NUMA1: variants seen among roughly 807,000 people sequenced by gnomAD.
NUMA1 encodes SP-H antigen.
NUMA1 carries 62 observed loss-of-function variants against 237.1 expected under a neutral mutation model. The ratio of observed to expected loss-of-function variants is 0.26; its 90% CI spans 0.21 to 0.32. The LOEUF is 0.32. NUMA1 is among the 10% of genes least tolerant of loss of function. The pLI, the probability that NUMA1 is intolerant of heterozygous loss-of-function variation, is 1.00. For missense variants in NUMA1, 2,533 were observed against 2,666.5 expected (o/e 0.95, Z 1.10); for synonymous variants, 1,028 against 1,066.1 (o/e 0.96, Z 0.70).
rs929044338 is a variant in NUMA1 at position 72,013,339 on chromosome 11, G to C, written c.4164C>G (p.Ser1388Arg). The C allele has an allele frequency of 2.7e-5, 44 of 1,607,406 alleles. No homozygotes were observed. Among genetic ancestry groups the C allele is most frequent in the Non-Finnish European group, 3.6e-5 (42 of 1,179,858 alleles). Reference protein sequence around the residue: ...EKRHREELEQSKQAAGGLRAE... With the variant: ...EKRHREELEQRKQAAGGLRAE... ...CCCGCAGTCCCCCAGCGGCCTGCTT[G>C]CTCTGCTCCAGCTCCTCACGGTGGC... The change falls in exon 15 of 27, where the codon AGC (serine) becomes AGG (arginine). Residue 1388 changes from serine to arginine, a missense_variant. Transcript: ENST00000393695. This position sits in a 1 kb window ranked among gnomAD's most constrained non-coding sequence, Gnocchi z 6.8.
chr11:72,049,648 A>G (rs1942231259), intron 2 of NUMA1: 2 of 138,386 alleles, frequency 1.4e-5, no homozygotes, highest in Admixed American at 1.5e-4. Flanking sequence ...AGATAAATAA[A>G]TAGATATATA....
intron 26 of NUMA1, 61 bp downstream of exon 26, chr11:72,003,826 G>C: frequency 6.5e-7 from 1 of 1,547,668 alleles, no homozygotes. Context: ...TTGGTGGGGC[G>C]GTCTGGGGGG....
Position 72,003,505 on chromosome 11 carries a change from G to A in NUMA1, c.*22C>T. ...GGTCAGCATCGGGGACACAGGTGGG[G>A]CCACTCACTGGTACTGGCCCTTTAG... On this transcript the variant is annotated 3_prime_UTR_variant, in exon 27 of 27. Coordinates refer to ENST00000393695, the MANE Select transcript of NUMA1 (RefSeq NM_006185.4). The A allele has an allele frequency of 6.2e-7, 1 of 1,613,272 alleles. No individual in the cohort carries two copies. The highest frequency in any genetic ancestry group is 1.1e-5 in the South Asian group (1 of 91,068).
Position 72,006,344 on chromosome 11 carries a change from G to T in NUMA1, c.5464-81C>A, listed in dbSNP as rs956052405. On this transcript the variant is annotated intron_variant, in intron 21 of 26. Coordinates refer to ENST00000393695, the MANE Select transcript of NUMA1 (RefSeq NM_006185.4). ...TTCCCATTCCCTTCCGAAGCCCTCA[G>T]ATCCCACGGCACATCCATGTATTCC... 29 of 1,198,672 alleles carry T rather than the reference G, an allele frequency of 2.4e-5. No individual in the cohort carries two copies. In the African/African-American group the frequency reaches 3.8e-4, roughly 16 times the overall value. 74.3% of individuals were successfully genotyped at this position (1,198,672 alleles called of 1,614,324 possible).
chr11:72,069,589 A>G (rs1480378952), intron 2 of NUMA1, among the ~76,000 whole-genome samples: 1 of 152,184 alleles, frequency 6.6e-6, no homozygotes, highest in Non-Finnish European at 1.5e-5. Context: ...TCTGGCTCAC[A>G]AGAGTTCTGG....
chr11:72,028,159 C>G (rs1939818789), intron 4 of NUMA1, among the ~76,000 whole-genome samples: 1 of 152,174 alleles, frequency 6.6e-6, no homozygotes, highest in Non-Finnish European at 1.5e-5. Context: ...TAGAGAACAC[C>G]AACTCATCTC....
In NUMA1 at chr11:72,019,540, G is replaced by A. The variant is rs139676280; in HGVS notation, c.538C>T (p.Arg180Cys). 35 of 1,613,924 alleles carry A rather than the reference G, an allele frequency of 2.2e-5. No homozygotes were observed. In the African/African-American group the frequency reaches 2.4e-4, roughly 11 times the overall value. Residue 180 changes from arginine to cysteine, a missense_variant, in exon 9 of 27, where the codon CGC becomes TGC. Coordinates refer to ENST00000393695, the MANE Select transcript of NUMA1 (RefSeq NM_006185.4). ...PPSHQAKREI[R>C]FLELQKVASS... ...GCAACCTTCTGTAGCTCTAGGAAGCGAATCTCCCTCTTGGCCTGGTGGCTA... is the reference window on the plus strand; with the variant it reads ...GCAACCTTCTGTAGCTCTAGGAAGCAAATCTCCCTCTTGGCCTGGTGGCTA...
intron 2 of NUMA1, chr11:72,068,312 G>A (rs1370569472): frequency 1.3e-5 from 2 of 152,248 alleles, no homozygotes; most frequent in East Asian, 1.9e-4. Context: ...GATTTGGGAG[G>A]AGTACCAGGA....
At chr11:72,007,665 G>C in intron 20 of NUMA1, 2 of 584,222 alleles carry the variant, frequency 3.4e-6, no homozygotes, top group African/African-American at 1.9e-5. Flanking sequence ...CCCAGACCCA[G>C]ATGTCCCATC....
chr11:72,053,463 T>C (rs1436617816), intron 2 of NUMA1, among the ~76,000 whole-genome samples: 1 of 152,222 alleles, frequency 6.6e-6, no homozygotes, highest in Non-Finnish European at 1.5e-5. Flanking sequence ...TTCCAAACTA[T>C]ATATTTTAAA....
chr11:72,015,927 G>C lies in NUMA1; in HGVS notation c.1576C>G (p.Gln526Glu). Residue 526 changes from glutamine (Q) to glutamate (E), a missense_variant, in exon 15 of 27, where the codon CAG becomes GAG. Gln to Glu is a conservative substitution (Grantham distance 29, BLOSUM62 2). Transcript: ENST00000393695. The surrounding 1 kb of genome is among the most constrained non-coding windows in gnomAD (Gnocchi z 4.0). Reference sequence around the variant, plus strand: ...TGGGCCTGCTTCTCTTTGGCCTGCTGCTTCAGGCCAGCCAGTTCTTGATCC... The same window carrying C: ...TGGGCCTGCTTCTCTTTGGCCTGCTCCTTCAGGCCAGCCAGTTCTTGATCC... Reference protein sequence around the residue: ...QQDQELAGLKQQAKEKQAQLA... With the variant: ...QQDQELAGLKEQAKEKQAQLA... 1 of 1,614,138 alleles carries C rather than the reference G, an allele frequency of 6.2e-7. No individual in the cohort carries two copies. The highest frequency in any genetic ancestry group is 8.5e-7 in the Non-Finnish European group (1 of 1,180,032).
chr11:72,022,994 C>T (rs1335184475), intron 6 of NUMA1, 71 bp downstream of exon 6: 2 of 1,074,772 alleles, frequency 1.9e-6, no homozygotes, highest in African/African-American at 1.6e-5. Context: ...TAAGAGAAGG[C>T]CCTGCAGGGT....
chr11:72,021,265 A>G lies in NUMA1; in HGVS notation c.399T>C (p.Phe133=). The stretch of plus-strand genomic sequence containing the variant: ...TTAGCCCGTCCTCATGGTCCAGCAC[A>G]AATTTAAGAATGACAGCCAACTCAG... ...IQAELAVILK[F]VLDHEDGLNL... is the part of the protein sequence containing the mutation. Residue 133 remains phenylalanine, a synonymous_variant, in exon 8 of 27, where the codon TTT becomes TTC. Coordinates refer to ENST00000393695, the MANE Select transcript of NUMA1 (RefSeq NM_006185.4). The G allele has an allele frequency of 6.2e-7, 1 of 1,614,218 alleles. No individual in the cohort carries two copies. Among genetic ancestry groups the G allele is most frequent in the East Asian group, 2.2e-5 (1 of 44,878 alleles).
At chr11:72,060,837 G>A (rs1018147568) in intron 2 of NUMA1, among the ~76,000 whole-genome samples, 20 of 152,130 alleles carry the variant, frequency 1.3e-4, no homozygotes, top group African/African-American at 4.3e-4. Flanking sequence ...TTGGGAGGCC[G>A]AGGCGGGCGG....
intron 2 of NUMA1, among the ~76,000 whole-genome samples, chr11:72,059,792 G>A (rs1241382687): frequency 6.6e-6 from 1 of 152,062 alleles, no homozygotes; most frequent in Non-Finnish European, 1.5e-5. Context: ...AAAAGCTTGT[G>A]TATTTTAAAT....
At chr11:72,040,465 C>CACACACACACACACAA (rs1941539632) in intron 2 of NUMA1, 1 of 90,246 alleles carries the variant, frequency 1.1e-5, no homozygotes, top group Admixed American at 1.0e-4. Context: ...CACACACACA[C>CACACACACACACACAA]ACACACACAC....
At chr11:72,065,286 T>C (rs889539753) in intron 2 of NUMA1, 4 of 152,150 alleles carry the variant, frequency 2.6e-5, no homozygotes, top group African/African-American at 4.8e-5. Context: ...TAAAGACTTA[T>C]TTGGGGACTT....
At chr11:72,009,774 A>G (rs1956021612) in intron 17 of NUMA1, among the ~76,000 whole-genome samples, 2 of 152,222 alleles carry the variant, frequency 1.3e-5, no homozygotes, top group South Asian at 4.2e-4. Flanking sequence ...GGACAGGGGA[A>G]CTTGTTTCTC....
chr11:72,021,072 A>C (rs1393528891), intron 8 of NUMA1, 132 bp downstream of exon 8: 15 of 720,344 alleles, frequency 2.1e-5, no homozygotes, highest in Non-Finnish European at 3.7e-5. Flanking sequence ...TCCATTACAC[A>C]CACTTTTCCT....
Sources: gnomAD v4.1 joint callset for allele counts (sites outside exome capture counted in the v4.1 genomes callset) on GRCh38, gnomAD v4.1.1 for gene constraint, Gnocchi (gnomAD v3.1) non-coding constraint, MANE v1.5 for transcripts, NCBI Gene and HGNC (gene_info 2026-07-23, HGNC 2026-07-21) for gene names.